The following PPP2R5A variants were observed in gnomAD, a reference collection of about 807,000 sequenced individuals.
The protein encoded by PPP2R5A is protein phosphatase 2 regulatory subunit B'alpha.
Under a neutral mutation model 64.2 loss-of-function variants are expected in PPP2R5A, and 25 were observed. That is an observed-to-expected ratio of 0.39 (90% confidence interval 0.28 to 0.54). PPP2R5A has a LOEUF of 0.54. Among genes scored for constraint, PPP2R5A ranks in the 20% least tolerant of loss-of-function variants. The pLI is 0.67. For synonymous variants in PPP2R5A, 198 were observed against 201.2 expected, an observed-to-expected ratio of 0.98 and a Z score of 0.13; for missense variants, 425 against 576.3, an observed-to-expected ratio of 0.74 and a Z score of 2.69.
chr1:212,317,892 A>G (rs1027056803), intron 1 of PPP2R5A, among the ~76,000 whole-genome samples: 2 of 152,094 alleles, frequency 1.3e-5, no homozygotes, highest in Non-Finnish European at 2.9e-5. Context: ...AGGCTGAGGC[A>G]GGAGAATCGC....
chr1:212,331,497 G>C (rs1357479177), intron 2 of PPP2R5A: 1 of 151,966 alleles, frequency 6.6e-6, no homozygotes, highest in East Asian at 1.9e-4. Context: ...TAGCTATAGA[G>C]AGAACATTAA....
chr1:212,332,971 G>A (rs1034996503), intron 2 of PPP2R5A, among the ~76,000 whole-genome samples: 12 of 150,644 alleles, frequency 8.0e-5, no homozygotes, highest in African/African-American at 2.9e-4. Flanking sequence ...GTATGATCTC[G>A]GCTCACTGCA....
Position 212,360,678 on chromosome 1 carries a change from A to AAATT in PPP2R5A, c.1371_1374dup (p.Glu459IlefsTer15). On this transcript the variant is annotated frameshift_variant, in exon 13 of 13. Transcript: ENST00000261461. LOFTEE classifies it high-confidence loss of function. ...ATTGGAACGTGAAGAATTATGGAAA[A>AAATT]AATTAGAGGAGCTAAAGCTAAAGAA... is the stretch of plus-strand genomic sequence containing the variant. The AAATT allele has an allele frequency of 6.3e-7, 1 of 1,592,680 alleles. No homozygotes were observed. Among genetic ancestry groups the AAATT allele is most frequent in the Non-Finnish European group, 8.5e-7 (1 of 1,169,862 alleles).
At chr1:212,304,662 A>G (rs945876233) in intron 1 of PPP2R5A, among the ~76,000 whole-genome samples, 3 of 151,368 alleles carry the variant, frequency 2.0e-5, no homozygotes, top group Admixed American at 2.0e-4. Flanking sequence ...CTGGCCTCAA[A>G]GGGATCCTTG....
At chr1:212,290,176 A>G (rs890210192) in intron 1 of PPP2R5A, among the ~76,000 whole-genome samples, 1 of 152,228 alleles carries the variant, frequency 6.6e-6, no homozygotes, top group African/African-American at 2.4e-5. Flanking sequence ...TGAGGCCAGT[A>G]ATAGTGGTGT....
rs1376373930 is a variant in PPP2R5A, at chr1:212,285,488, G to C, written c.-623G>C. On this transcript the variant is annotated 5_prime_UTR_variant, in exon 1 of 13. Transcript: ENST00000261461. ...CTCCGTGGGCGGCCGACGGGCGCGT[G>C]GGGGAGGGGGTTCGGGCCGCCCAGC... 1 of 152,686 alleles carries C rather than the reference G, an allele frequency of 6.5e-6. No individual in the cohort carries two copies. The highest frequency in any genetic ancestry group is 1.5e-5 in the Non-Finnish European group (1 of 68,422). 9.5% of individuals were successfully genotyped at this position (152,686 alleles called of 1,614,324 possible).
At chr1:212,314,555 C>CTT (rs1176983169) in intron 1 of PPP2R5A, among the ~76,000 whole-genome samples, 2 of 137,362 alleles carry the variant, frequency 1.5e-5, no homozygotes, top group African/African-American at 6.9e-5. Flanking sequence ...GCCACCAAGC[C>CTT]TATTTTTTTT....
chr1:212,347,793 C>T (rs111766313), intron 6 of PPP2R5A, among the ~76,000 whole-genome samples: 2 of 152,078 alleles, frequency 1.3e-5, no homozygotes, highest in Non-Finnish European at 1.5e-5. Context: ...CAATCCACCC[C>T]CTTCGGCCTC....
At chr1:212,347,542 CT>C (rs11290098) in intron 6 of PPP2R5A, 136 bp downstream of exon 6, 94,651 of 462,570 alleles carry the variant, frequency 0.2, 388 homozygotes, top group South Asian at 0.28. Flanking sequence ...CAACTGAAGT[CT>C]TTTTTTTTTT....
chr1:212,340,881 G>A (rs1022808109), intron 3 of PPP2R5A, among the ~76,000 whole-genome samples: 1 of 152,114 alleles, frequency 6.6e-6, no homozygotes, highest in African/African-American at 2.4e-5. Context: ...TTGCTCTAAG[G>A]TCTATTAATT....
At position 212,307,799 on chromosome 1, in the gene PPP2R5A, C is replaced by A. The variant is rs190548005; in HGVS notation, c.182-21336C>A. Among the ~76,000 whole-genome samples the A allele has an allele frequency of 1.1e-4, 16 of 152,150 alleles. No individual in the cohort carries two copies. In the East Asian group the frequency reaches 2.9e-3, roughly 28 times the overall value. ...GTAGAACAGCTAGCAAAAAATTCTT[C>A]GTTTTTATTTATTTGGGAACGTCTT... On this transcript the variant is annotated intron_variant, in intron 1 of 12. Coordinates refer to ENST00000261461, the MANE Select transcript of PPP2R5A (RefSeq NM_006243.4).
At chr1:212,286,852 A>G (rs1658513589) in intron 1 of PPP2R5A, among the ~76,000 whole-genome samples, 1 of 152,234 alleles carries the variant, frequency 6.6e-6, no homozygotes, top group Admixed American at 6.5e-5. Flanking sequence ...TGGCCTTTGG[A>G]TGTATTTATA....
At chr1:212,286,905 A>C (rs957708921) in intron 1 of PPP2R5A, among the ~76,000 whole-genome samples, 34 of 152,246 alleles carry the variant, frequency 2.2e-4, no homozygotes, top group Non-Finnish European at 1.2e-4. Context: ...TCTTATTCAC[A>C]GGATCGTTAG....
intron 2 of PPP2R5A, among the ~76,000 whole-genome samples, chr1:212,330,260 G>A (rs540509580): frequency 6.6e-6 from 1 of 151,982 alleles, no homozygotes; most frequent in Non-Finnish European, 1.5e-5. Flanking sequence ...GCAGTGGCTC[G>A]CTTATGCTTG....
chr1:212,289,984 C>T (rs1658571595), intron 1 of PPP2R5A, among the ~76,000 whole-genome samples: 1 of 152,122 alleles, frequency 6.6e-6, no homozygotes, highest in African/African-American at 2.4e-5. Flanking sequence ...AAGAAATCAA[C>T]CTAACCAGTA....
intron 2 of PPP2R5A, among the ~76,000 whole-genome samples, chr1:212,331,167 CA>C (rs10712005): frequency 0.81 from 90,283 of 112,130 alleles, 35,599 homozygotes; most frequent in African/African-American, 0.9. Context: ...GACCTTGTCT[CA>C]AAAAAAAAAA....
intron 1 of PPP2R5A, among the ~76,000 whole-genome samples, chr1:212,316,587 C>CT (rs751228809): frequency 0.36 from 13,331 of 36,620 alleles, 4,018 homozygotes; most frequent in South Asian, 0.67. Context: ...TTGTGGGTGA[C>CT]TTTTTTTTTT....
At chr1:212,330,797 A>G (rs551143261) in intron 2 of PPP2R5A, among the ~76,000 whole-genome samples, 4 of 152,286 alleles carry the variant, frequency 2.6e-5, no homozygotes, top group African/African-American at 9.6e-5. Flanking sequence ...AAAAGGAATT[A>G]GGAAATTTTT....
chr1:212,338,532 G>A (rs145441566), intron 3 of PPP2R5A, among the ~76,000 whole-genome samples: 4,248 of 152,232 alleles, frequency 0.028, 87 homozygotes, highest in Non-Finnish European at 0.041. Flanking sequence ...AGCACTTTGG[G>A]AGGCTGAGGC....
Sources: allele counts gnomAD v4.1 joint callset (sites outside exome capture counted in the v4.1 genomes callset), GRCh38; gene constraint gnomAD v4.1.1; transcripts MANE v1.5; gene names NCBI Gene and HGNC (gene_info 2026-07-23, HGNC 2026-07-21).